FBXL13: variants seen among roughly 807,000 people sequenced by gnomAD.
The protein encoded by FBXL13 is F-box and leucine rich repeat protein 13, also known as F-box and leucine-rich repeat protein 13.
Under a neutral mutation model 83.6 loss-of-function variants are expected in FBXL13, and 67 were observed. The observed-to-expected ratio is 0.80, with a 90% confidence interval of 0.66 to 0.98. FBXL13 has a LOEUF of 0.98. Ranked by LOEUF, FBXL13 falls within the 50% of genes least tolerant of loss-of-function variation. The pLI is 0.00. For missense variants in FBXL13, 822 were observed against 866.5 expected (o/e 0.95, Z 0.64); for synonymous variants, 272 against 299.5 (o/e 0.91, Z 0.95).
chr7:102,952,446 A>G (rs1823563935), intron 8 of FBXL13, among the ~76,000 whole-genome samples: 1 of 152,230 alleles, frequency 6.6e-6, no homozygotes, highest in Admixed American at 6.5e-5. Context: ...ACTGACCAGG[A>G]AAACAAGAGG....
intron 6 of FBXL13, among the ~76,000 whole-genome samples, chr7:102,976,595 GC>G (rs1299327039): frequency 3.3e-5 from 5 of 151,714 alleles, no homozygotes; most frequent in Admixed American, 2.6e-4. Context: ...TCTGTAGTTA[GC>G]CCCCCTGTTT....
intron 2 of FBXL13, among the ~76,000 whole-genome samples, chr7:103,052,262 A>AT (rs879700598): frequency 3.1e-4 from 47 of 152,016 alleles, no homozygotes; most frequent in Non-Finnish European, 4.6e-4. Context: ...TATACTATAC[A>AT]TTTTTTTTAA....
intron 8 of FBXL13, 22 bp from the exon 10 acceptor site, chr7:102,931,955 T>A: frequency 6.2e-7 from 1 of 1,609,570 alleles, no homozygotes; most frequent in Non-Finnish European, 8.5e-7. Context: ...AAGTTACACG[T>A]CACTAAACTA....
chr7:102,973,942 C>T (rs1459810248), intron 6 of FBXL13, among the ~76,000 whole-genome samples: 2 of 152,178 alleles, frequency 1.3e-5, no homozygotes, highest in African/African-American at 2.4e-5. Context: ...GTTCCGGGAA[C>T]GAAAAAGGCA....
chr7:102,876,799 G>T (rs2129457905), intron 16 of FBXL13, among the ~76,000 whole-genome samples: 1 of 152,198 alleles, frequency 6.6e-6, no homozygotes, highest in African/African-American at 2.4e-5. Flanking sequence ...ATATAGGAAG[G>T]ATATAGGATA....
chr7:102,920,118 A>C (rs1816694644), intron 10 of FBXL13, among the ~76,000 whole-genome samples: 1 of 152,242 alleles, frequency 6.6e-6, no homozygotes, highest in South Asian at 2.1e-4. Flanking sequence ...ACTGTGTACC[A>C]CAGGAGTAGT....
intron 6 of FBXL13, among the ~76,000 whole-genome samples, chr7:103,023,012 C>T (rs1793388294): frequency 6.6e-6 from 1 of 152,332 alleles, no homozygotes. Flanking sequence ...CACGGTGGCT[C>T]ATGCCTGTAA....
chr7:102,998,332 CCTATT>C (rs1182447573), intron 6 of FBXL13, among the ~76,000 whole-genome samples: 2 of 152,090 alleles, frequency 1.3e-5, no homozygotes, highest in South Asian at 2.1e-4. Context: ...AATATTTTCT[CCTATT>C]CTGTTGGTGG....
chr7:102,824,627 A>G (rs1014363079), intron 18 of FBXL13, among the ~76,000 whole-genome samples: 1 of 152,088 alleles, frequency 6.6e-6, no homozygotes, highest in Non-Finnish European at 1.5e-5. Flanking sequence ...CTGGGATTAC[A>G]GGTGCCCGCC....
intron 6 of FBXL13, among the ~76,000 whole-genome samples, chr7:103,003,757 A>G (rs567803807): frequency 3.3e-5 from 5 of 152,064 alleles, no homozygotes; most frequent in African/African-American, 1.2e-4. Flanking sequence ...TTTTTTATTT[A>G]GTAGAGATGG....
At chr7:102,975,165 C>A (rs73192031) in intron 6 of FBXL13, among the ~76,000 whole-genome samples, 3,831 of 152,238 alleles carry the variant, frequency 0.025, 92 homozygotes, top group Admixed American at 0.038. Flanking sequence ...TGCTAGAGAG[C>A]CCCCTTCAGA....
At chr7:102,931,370 G>A (rs1819140459) in intron 9 of FBXL13, among the ~76,000 whole-genome samples, 1 of 151,972 alleles carries the variant, frequency 6.6e-6, no homozygotes, top group Admixed American at 6.6e-5. Flanking sequence ...GATGACGGCA[G>A]TGTGTGTAGC....
At chr7:102,840,141 G>C (rs2129449010) in intron 17 of FBXL13, among the ~76,000 whole-genome samples, 1 of 152,316 alleles carries the variant, frequency 6.6e-6, no homozygotes, top group Non-Finnish European at 1.5e-5. Flanking sequence ...GGTAAGCAGT[G>C]AAAGAGAATG....
chr7:102,929,016 C>A (rs1334816157), intron 9 of FBXL13, among the ~76,000 whole-genome samples: 1 of 152,142 alleles, frequency 6.6e-6, no homozygotes, highest in African/African-American at 2.4e-5. Context: ...AAAGTACAAG[C>A]CACTGAGAAG....
At chr7:102,934,696 T>C (rs1819951324) in intron 8 of FBXL13, 1 of 1,559,840 alleles carries the variant, frequency 6.4e-7, no homozygotes, top group African/African-American at 1.4e-5. Context: ...GTTTGTACTT[T>C]TCTTACTTTT....
intron 17 of FBXL13, among the ~76,000 whole-genome samples, chr7:102,851,030 A>G (rs10229735): frequency 3.9e-5 from 6 of 152,224 alleles, no homozygotes; most frequent in Non-Finnish European, 7.4e-5. Context: ...CTCCGTTTCT[A>G]CCTTTCATTT....
chr7:103,032,976 G>A (rs935367477), intron 2 of FBXL13, among the ~76,000 whole-genome samples: 7 of 152,098 alleles, frequency 4.6e-5, no homozygotes, highest in African/African-American at 1.7e-4. Context: ...CAGTGAGCAA[G>A]CTATGATTGT....
chr7:102,884,067 G>C, intron 12 of FBXL13, 147 bp downstream of exon 13: 1 of 618,448 alleles, frequency 1.6e-6, no homozygotes, highest in Non-Finnish European at 2.8e-6. Context: ...AAGGGTATGT[G>C]CATGTGTGGA....
chr7:103,027,727 C>G (rs1370478352), intron 4 of FBXL13, among the ~76,000 whole-genome samples, 169 bp from the exon 6 acceptor site: 1 of 152,198 alleles, frequency 6.6e-6, no homozygotes, highest in Non-Finnish European at 1.5e-5. Flanking sequence ...CATTAGTACT[C>G]TCAAGACTTT....
Sources: gnomAD v4.1 joint callset for allele counts (sites outside exome capture counted in the v4.1 genomes callset) on GRCh38, gnomAD v4.1.1 for gene constraint, MANE v1.5 for transcripts, NCBI Gene and HGNC (gene_info 2026-07-23, HGNC 2026-07-21) for gene names.